The following DPP10 variants were observed in gnomAD, a reference collection of about 807,000 sequenced individuals.
DPP10 encodes inactive dipeptidyl peptidase 10.
A neutral mutation model predicts 120.9 loss-of-function variants in DPP10; 33 were observed. The ratio of observed to expected loss-of-function variants is 0.27; its 90% CI spans 0.21 to 0.37. DPP10 has a LOEUF of 0.37. DPP10 is among the 10% of genes least tolerant of loss of function. The pLI is 1.00. For synonymous variants in DPP10, 337 were observed against 326.1 expected (o/e 1.03, Z -0.36); for missense variants, 816 against 942.8 (o/e 0.87, Z 1.76).
intron 1 of DPP10, among the ~76,000 whole-genome samples, chr2:114,596,478 C>T (rs1216825450): frequency 3.3e-5 from 5 of 152,050 alleles, no homozygotes; most frequent in Non-Finnish European, 7.4e-5. Flanking sequence ...AAGTAACATA[C>T]ATGCATGTAC....
chr2:114,527,627 G>T (rs1336098765), intron 1 of DPP10, among the ~76,000 whole-genome samples: 1 of 152,128 alleles, frequency 6.6e-6, no homozygotes, highest in Non-Finnish European at 1.5e-5. Context: ...CTGATTAGAG[G>T]ATCAACAATT....
At chr2:115,717,500 T>G (rs1384302215) in intron 7 of DPP10, among the ~76,000 whole-genome samples, 5 of 152,238 alleles carry the variant, frequency 3.3e-5, no homozygotes, top group Admixed American at 3.3e-4. Flanking sequence ...AGTTACTTAA[T>G]GTCTTTGTCC....
At chr2:114,706,041 C>G (rs1292909442) in intron 1 of DPP10, among the ~76,000 whole-genome samples, 1 of 152,142 alleles carries the variant, frequency 6.6e-6, no homozygotes, top group Non-Finnish European at 1.5e-5. Context: ...TATGCTGCCC[C>G]CATGGGCCAT....
At chr2:115,302,766 A>G (rs957965137) in intron 1 of DPP10, among the ~76,000 whole-genome samples, 3 of 152,216 alleles carry the variant, frequency 2.0e-5, no homozygotes, top group African/African-American at 7.2e-5. Flanking sequence ...ATGTAGGTCA[A>G]CAGCATAAAC....
intron 1 of DPP10, among the ~76,000 whole-genome samples, chr2:114,570,116 C>A (rs377620953): frequency 2.6e-5 from 4 of 152,162 alleles, no homozygotes; most frequent in African/African-American, 7.2e-5. Flanking sequence ...CTCAGCAGCA[C>A]CCCCTTTCCC....
intron 2 of DPP10, among the ~76,000 whole-genome samples, chr2:115,325,202 G>A (rs1047035568): frequency 6.6e-6 from 1 of 152,084 alleles, no homozygotes. Context: ...AACCCTTCAA[G>A]TTGTAAAAAA....
At chr2:115,837,116 G>C (rs929976503) in intron 24 of DPP10, among the ~76,000 whole-genome samples, 2 of 152,196 alleles carry the variant, frequency 1.3e-5, no homozygotes, top group African/African-American at 2.4e-5. Context: ...TATGGTTACA[G>C]TGTTATTCAG....
intron 3 of DPP10, chr2:115,468,274 G>A (rs1369832720): frequency 5.9e-6 from 3 of 510,816 alleles, no homozygotes; most frequent in East Asian, 5.5e-5. Context: ...ACTGATGTCA[G>A]TGTCATGTCC....
intron 1 of DPP10, among the ~76,000 whole-genome samples, chr2:115,126,885 A>G (rs1204245097): frequency 6.6e-6 from 1 of 152,210 alleles, no homozygotes; most frequent in African/African-American, 2.4e-5. Flanking sequence ...TTTGGAATAG[A>G]TATTCCTCCA....
At chr2:115,411,326 C>T (rs1485561438) in intron 3 of DPP10, among the ~76,000 whole-genome samples, 3 of 151,272 alleles carry the variant, frequency 2.0e-5, no homozygotes, top group African/African-American at 4.9e-5. Flanking sequence ...AGTGAGACTC[C>T]GTCTCAAAAA....
At chr2:114,749,792 G>T (rs761536134) in intron 1 of DPP10, among the ~76,000 whole-genome samples, 1 of 151,908 alleles carries the variant, frequency 6.6e-6, no homozygotes, top group East Asian at 1.9e-4. Context: ...AGAGAAAAGC[G>T]TTAGTACACT....
chr2:114,528,665 A>G (rs1304338745), intron 1 of DPP10, among the ~76,000 whole-genome samples: 1 of 151,020 alleles, frequency 6.6e-6, no homozygotes, highest in Non-Finnish European at 1.5e-5. Context: ...CATTCATACT[A>G]GATGGTCTTG....
intron 2 of DPP10, 54 bp downstream of exon 2, chr2:115,309,407 C>A: frequency 6.5e-7 from 1 of 1,545,546 alleles, no homozygotes; most frequent in South Asian, 1.1e-5. Context: ...ATGATAATTT[C>A]GCATTCAAAT....
chr2:115,830,555 A>G (rs1688816127), intron 21 of DPP10, among the ~76,000 whole-genome samples: 1 of 152,186 alleles, frequency 6.6e-6, no homozygotes. Context: ...CAAAGAGTAG[A>G]AGAAAAGTCT....
chr2:115,743,873 C>A (rs895272639), intron 9 of DPP10, among the ~76,000 whole-genome samples: 1 of 150,536 alleles, frequency 6.6e-6, no homozygotes, highest in Non-Finnish European at 1.5e-5. Context: ...AGCCTGTTCT[C>A]GAAATGTGGT....
chr2:115,346,969 A>C (rs1286851987), intron 3 of DPP10, among the ~76,000 whole-genome samples: 1 of 152,080 alleles, frequency 6.6e-6, no homozygotes, highest in Non-Finnish European at 1.5e-5. Flanking sequence ...TGACAATCTC[A>C]TTTTAACAGA....
intron 3 of DPP10, among the ~76,000 whole-genome samples, chr2:115,479,373 A>T (rs1294453660): frequency 6.6e-6 from 1 of 152,112 alleles, no homozygotes; most frequent in Non-Finnish European, 1.5e-5. Context: ...AATCATAGAC[A>T]CAGAAAGTAA....
intron 1 of DPP10, among the ~76,000 whole-genome samples, chr2:115,119,123 C>T (rs1030459332): frequency 2.0e-5 from 3 of 152,038 alleles, no homozygotes; most frequent in Admixed American, 1.3e-4. Flanking sequence ...AGCAGGCTGT[C>T]CACATGCACA....
intron 1 of DPP10, among the ~76,000 whole-genome samples, chr2:115,053,990 A>G (rs1260145046): frequency 6.6e-6 from 1 of 152,210 alleles, no homozygotes; most frequent in Non-Finnish European, 1.5e-5. Flanking sequence ...GGAAGGTAAC[A>G]TATTATCATT....
Sources: allele counts gnomAD v4.1 joint callset (sites outside exome capture counted in the v4.1 genomes callset), GRCh38; gene constraint gnomAD v4.1.1; transcripts MANE v1.5; gene names NCBI Gene and HGNC (gene_info 2026-07-23, HGNC 2026-07-21).